Variants in DSG3 observed in about 807,000 individuals in gnomAD.
DSG3 encodes desmoglein 3, also known as desmoglein-3.
A neutral mutation model predicts 85.9 loss-of-function variants in DSG3; 63 were observed. The observed-to-expected ratio is 0.73, with a 90% CI of 0.60 to 0.90. DSG3 has a LOEUF of 0.90. Ranked by LOEUF, DSG3 falls within the 40% of genes least tolerant of loss-of-function variation. The pLI, the probability that DSG3 is intolerant of heterozygous loss-of-function variation, is 0.00. For missense variants in DSG3, 1,220 were observed against 1,219.9 expected, an observed-to-expected ratio of 1.00 and a Z score of 0.00; for synonymous variants, 447 against 441.9, an observed-to-expected ratio of 1.01 and a Z score of -0.14.
intron 1 of DSG3, among the ~76,000 whole-genome samples, chr18:31,449,987 G>T (rs1049264460): frequency 6.6e-6 from 1 of 152,208 alleles, no homozygotes; most frequent in South Asian, 2.1e-4. Context: ...TTGATTACAT[G>T]TTGAAATGAT....
chr18:31,464,777 G>A (rs778999803), intron 9 of DSG3, among the ~76,000 whole-genome samples: 2 of 152,082 alleles, frequency 1.3e-5, no homozygotes, highest in African/African-American at 4.8e-5. Flanking sequence ...CAAAATAATT[G>A]CTATATTATA....
intron 14 of DSG3, among the ~76,000 whole-genome samples, chr18:31,473,136 C>T (rs1436729253): frequency 2.0e-5 from 3 of 152,138 alleles, no homozygotes; most frequent in Non-Finnish European, 2.9e-5. Flanking sequence ...GAAAATATAA[C>T]GAACATCTAT....
Position 31,457,053 on chromosome 18 carries a change from C to A in DSG3, c.145C>A (p.Arg49Ser), listed in dbSNP as rs776376388. The change falls in exon 3 of 16, where the codon CGT becomes AGT. Residue 49 changes from arginine to serine, a missense_variant. Arg to Ser is a moderately radical substitution (Grantham distance 110, BLOSUM62 -1). Coordinates refer to ENST00000257189, the MANE Select transcript of DSG3 (RefSeq NM_001944.3). ...GCAACAAGCTAAAAGAAGGCAAAAA[C>A]GTGAATGGGTGAAATTTGCCAAACC... The part of the protein sequence containing the change: ...TMQQAKRRQK[R>S]EWVKFAKPCR... The A allele has an allele frequency of 2.5e-6, 4 of 1,612,732 alleles. No individual in the cohort carries two copies. Among genetic ancestry groups the A allele is most frequent in the South Asian group, 2.2e-5 (2 of 90,928 alleles).
chr18:31,460,690 C>T, intron 6 of DSG3, 143 bp from the exon 7 acceptor site: 4 of 709,936 alleles, frequency 5.6e-6, no homozygotes, highest in South Asian at 2.2e-5. Context: ...CCCTTAAAGA[C>T]CTCCACCCAA....
Position 31,475,919 on chromosome 18 carries a change from C to T in DSG3, c.2659C>T (p.Pro887Ser), listed in dbSNP as rs1308440000. The T allele has an allele frequency of 1.2e-6, 2 of 1,614,184 alleles. No individual in the cohort carries two copies. The highest frequency in any genetic ancestry group is 2.2e-5 in the East Asian group (1 of 44,880). ...TTATGGGATTGAATCCTGTGGCCATCCCATAGAAGTCCAGCAGACAGGATT... is the reference window on the plus strand; with the variant it reads ...TTATGGGATTGAATCCTGTGGCCATTCCATAGAAGTCCAGCAGACAGGATT... ...SGYGIESCGH[P>S]IEVQQTGFVK... The change falls in exon 16 of 16, where the codon CCC becomes TCC. Residue 887 changes from proline to serine, a missense_variant. Physicochemically the swap from Pro to Ser is moderately conservative, Grantham distance 74 (BLOSUM62 -1). Transcript: ENST00000257189.
intron 1 of DSG3, among the ~76,000 whole-genome samples, chr18:31,449,297 C>T (rs1453961765): frequency 6.6e-6 from 1 of 152,150 alleles, no homozygotes; most frequent in East Asian, 1.9e-4. Context: ...AGTTGTATGA[C>T]TTTCCCACCT....
intron 6 of DSG3, 79 bp downstream of exon 6, chr18:31,460,090 A>C: frequency 6.9e-7 from 1 of 1,443,494 alleles, no homozygotes; most frequent in Non-Finnish European, 9.3e-7. Context: ...ACTCCATTTT[A>C]CCCGAAAATT....
chr18:31,461,533 G>A, intron 8 of DSG3, 121 bp downstream of exon 8: 2 of 1,006,908 alleles, frequency 2.0e-6, no homozygotes, highest in Non-Finnish European at 2.9e-6. Flanking sequence ...CATAAAAGTA[G>A]ATTGAATTTT....
At chr18:31,472,659 A>T in intron 13 of DSG3, 66 bp from the exon 14 acceptor site, 1 of 1,526,372 alleles carries the variant, frequency 6.6e-7, no homozygotes, top group Middle Eastern at 1.7e-4. Context: ...AAAGGGCCAC[A>T]TGTCACTATA....
At position 31,469,474 on chromosome 18, in the gene DSG3, G is replaced by A. The variant is rs1186228571; in HGVS notation, c.1897+125G>A. On this transcript the variant is annotated intron_variant, in intron 12 of 15. Transcript: ENST00000257189. ...TCTGATGTTTTATAGGTAAAGCTAGGGGAAAATGGCATTTTCAGAAAGAAT... is the reference window on the plus strand; with the variant it reads ...TCTGATGTTTTATAGGTAAAGCTAGAGGAAAATGGCATTTTCAGAAAGAAT... 1.3e-5 allele frequency: 17 copies of A among 1,355,112 alleles called. No homozygotes were observed. In the East Asian group the frequency reaches 1.9e-4, roughly 15 times the overall value. 83.9% of individuals were successfully genotyped at this position (1,355,112 alleles called of 1,614,324 possible). A position where few individuals can be genotyped will look rare whatever the true frequency, so the allele number is the denominator to read the frequency against.
In DSG3 at chr18:31,476,262, C is replaced by A. The variant is rs2072887756; in HGVS notation, c.*2C>A. ...GATCCTTGCTCCCGTCTAATATGAC[C>A]AGAATGAGCTGGAATACCACACTGA... On this transcript the variant is annotated 3_prime_UTR_variant, in exon 16 of 16. Coordinates refer to ENST00000257189, the MANE Select transcript of DSG3 (RefSeq NM_001944.3). The A allele has an allele frequency of 6.2e-7, 1 of 1,600,606 alleles. No homozygotes were observed. Among genetic ancestry groups the A allele is most frequent in the Non-Finnish European group, 8.5e-7 (1 of 1,172,562 alleles).
In DSG3 at chr18:31,478,555, C is replaced by T. The variant is rs1464290605; in HGVS notation, c.*2295C>T. On this transcript the variant is annotated 3_prime_UTR_variant, in exon 16 of 16. Transcript: ENST00000257189. Reference sequence around the variant, plus strand: ...TGATTTGCCATGTAAAATGTATCTGCATTTTTTACACAAAACTTGTTTTAA... The same window carrying T: ...TGATTTGCCATGTAAAATGTATCTGTATTTTTTACACAAAACTTGTTTTAA... 2 of 152,106 alleles carry T rather than the reference C, an allele frequency of 1.3e-5. No individual in the cohort carries two copies. Among genetic ancestry groups the T allele is most frequent in the East Asian group, 3.9e-4 (2 of 5,192 alleles). 9.4% of individuals were successfully genotyped at this position (152,106 alleles called of 1,614,324 possible).
intron 2 of DSG3, among the ~76,000 whole-genome samples, chr18:31,456,716 T>C (rs568910200): frequency 4.2e-4 from 64 of 152,248 alleles, no homozygotes; most frequent in Non-Finnish European, 7.9e-4. Context: ...AATCAGCTGG[T>C]CAAACCCTAT....
At chr18:31,455,197 C>T (rs1239466303) in intron 1 of DSG3, among the ~76,000 whole-genome samples, 3 of 151,994 alleles carry the variant, frequency 2.0e-5, no homozygotes, top group African/African-American at 7.3e-5. Context: ...CAGGTGCCTG[C>T]TGTAAGTATT....
At chr18:31,448,148 A>G (rs1181052838) in intron 1 of DSG3, among the ~76,000 whole-genome samples, 1 of 152,198 alleles carries the variant, frequency 6.6e-6, no homozygotes, top group Non-Finnish European at 1.5e-5. Flanking sequence ...AGTTTTAAAA[A>G]CCATTTAGAA....
chr18:31,476,303 T>C lies in DSG3; in HGVS notation c.*43T>C. On this transcript the variant is annotated 3_prime_UTR_variant, in exon 16 of 16. Transcript: ENST00000257189. ...ACCACACTGACCAAATCTGGATCTT[T>C]GGACTAAAGTATTCAAAATAGCATA... The C allele has an allele frequency of 6.4e-7, 1 of 1,552,206 alleles. No homozygotes were observed. The highest frequency in any genetic ancestry group is 8.7e-7 in the Non-Finnish European group (1 of 1,150,890).
chr18:31,456,439 G>A lies in DSG3; in HGVS notation c.49-1G>A. 1 of 1,353,434 alleles carries A rather than the reference G, an allele frequency of 7.4e-7. No individual in the cohort carries two copies. Among genetic ancestry groups the A allele is most frequent in the Non-Finnish European group, 9.6e-7 (1 of 1,045,314 alleles). 83.8% of individuals were successfully genotyped at this position (1,353,434 alleles called of 1,614,324 possible). ...ATTCGACTTTATTTAAATGTCTGCA[G>A]GTGGTCATATTGGTTCATGGAGAAT... On this transcript the variant is annotated splice_acceptor_variant, in intron 1 of 15. Coordinates refer to ENST00000257189, the MANE Select transcript of DSG3 (RefSeq NM_001944.3). LOFTEE classifies it high-confidence loss of function.
intron 5 of DSG3, 107 bp from the exon 6 acceptor site, chr18:31,459,738 T>C (rs2072771772): frequency 8.9e-7 from 1 of 1,122,750 alleles, no homozygotes; most frequent in Non-Finnish European, 1.2e-6. Flanking sequence ...CAGATGATTT[T>C]AGGATATTTA....
chr18:31,448,308 C>T (rs918229827), intron 1 of DSG3, among the ~76,000 whole-genome samples: 2 of 152,168 alleles, frequency 1.3e-5, no homozygotes, highest in African/African-American at 2.4e-5. Flanking sequence ...TTACATGTCT[C>T]TTAGCATATA....
Sources: allele counts gnomAD v4.1 joint callset (sites outside exome capture counted in the v4.1 genomes callset), GRCh38; gene constraint gnomAD v4.1.1; transcripts MANE v1.5; gene names NCBI Gene and HGNC (gene_info 2026-07-23, HGNC 2026-07-21).